Variants in AKT3 observed in about 807,000 individuals in gnomAD.
AKT3 encodes AKT serine/threonine kinase 3.
A neutral mutation model predicts 65.3 loss-of-function variants in AKT3; 15 were observed. The ratio of observed to expected loss-of-function variants is 0.23; its 90% CI spans 0.15 to 0.35. AKT3 has a LOEUF of 0.35. AKT3 is among the 10% of genes least tolerant of loss of function. The probability of loss-of-function intolerance (pLI) is 1.00; values close to 1 mark genes in which losing one functional copy is unlikely to be tolerated. For synonymous variants in AKT3, 206 were observed against 183.8 expected (o/e 1.12, Z -0.98); for missense variants, 243 against 576.5 (o/e 0.42, Z 5.92).
chr1:243,785,895 A>C (rs1176080454), intron 2 of AKT3, among the ~76,000 whole-genome samples: 1 of 152,188 alleles, frequency 6.6e-6, no homozygotes, highest in Non-Finnish European at 1.5e-5. Context: ...CACAGCCTGA[A>C]AGGATAGGGT....
At chr1:243,821,866 GATC>G (rs1320797016) in intron 2 of AKT3, among the ~76,000 whole-genome samples, 4 of 152,174 alleles carry the variant, frequency 2.6e-5, no homozygotes, top group Non-Finnish European at 5.9e-5. Context: ...ATATTAGATA[GATC>G]ATCAAGACAG....
chr1:243,652,610 T>G (rs775136207), intron 4 of AKT3, among the ~76,000 whole-genome samples: 4 of 151,774 alleles, frequency 2.6e-5, no homozygotes, highest in African/African-American at 4.8e-5. Context: ...ACCTTAAATG[T>G]AAATGGGCTA....
intron 3 of AKT3, among the ~76,000 whole-genome samples, chr1:243,693,277 T>C (rs1684836205): frequency 1.8e-5 from 2 of 109,582 alleles, no homozygotes; most frequent in South Asian, 3.0e-4. Flanking sequence ...TATATATATA[T>C]ATATATATAT....
At chr1:243,826,657 T>C (rs114781025) in intron 2 of AKT3, among the ~76,000 whole-genome samples, 1 of 152,310 alleles carries the variant, frequency 6.6e-6, no homozygotes, top group Non-Finnish European at 1.5e-5. Context: ...CTAACGGTGA[T>C]GAACCAGAGA....
intron 2 of AKT3, among the ~76,000 whole-genome samples, chr1:243,794,751 G>A (rs1411584500): frequency 1.3e-5 from 2 of 152,332 alleles, no homozygotes; most frequent in Non-Finnish European, 2.9e-5. Context: ...AACTGGGAGA[G>A]AGCATACTGC....
At chr1:243,832,120 T>TAAAAAAA (rs869235352) in intron 2 of AKT3, among the ~76,000 whole-genome samples, 1 of 44,756 alleles carries the variant, frequency 2.2e-5, no homozygotes, top group Admixed American at 3.8e-4. Context: ...TCCCTAAAAC[T>TAAAAAAA]AAAAAAAAAA....
chr1:243,838,962 T>G (rs1219420888), intron 2 of AKT3, among the ~76,000 whole-genome samples: 2 of 152,168 alleles, frequency 1.3e-5, no homozygotes, highest in African/African-American at 4.8e-5. Flanking sequence ...ATGCTTTTAA[T>G]GATAAAAATC....
chr1:243,609,051 C>T (rs1296322956), intron 8 of AKT3, among the ~76,000 whole-genome samples: 1 of 151,842 alleles, frequency 6.6e-6, no homozygotes, highest in Admixed American at 6.6e-5. Context: ...GACGCCTGGT[C>T]GTTTTCTGCA....
At chr1:243,527,904 C>G (rs1241262742) in intron 12 of AKT3, among the ~76,000 whole-genome samples, 15 of 115,752 alleles carry the variant, frequency 1.3e-4, no homozygotes, top group African/African-American at 6.5e-4. Context: ...CACACACACA[C>G]ACACACACAC....
At chr1:243,617,176 T>A (rs974159307) in intron 6 of AKT3, among the ~76,000 whole-genome samples, 4 of 109,076 alleles carry the variant, frequency 3.7e-5, no homozygotes, top group Non-Finnish European at 6.6e-5. Context: ...CTTCAACACA[T>A]ATGCAACAAG....
At chr1:243,638,620 A>C (rs1361298356) in intron 5 of AKT3, among the ~76,000 whole-genome samples, 5 of 152,210 alleles carry the variant, frequency 3.3e-5, no homozygotes, top group Non-Finnish European at 7.3e-5. Flanking sequence ...AGAGAAGAGA[A>C]GGTAATTGTA....
At position 243,505,042 on chromosome 1, in the gene AKT3, A is replaced by G. The variant is rs1005125780; in HGVS notation, c.*207T>C. On this transcript the variant is annotated 3_prime_UTR_variant, in exon 14 of 14. Coordinates refer to ENST00000673466, the MANE Select transcript of AKT3 (RefSeq NM_005465.7). ...AGCATGAGACCTTAGACTGAGATAC[A>G]ATTTCATGCAAAAACAAAAACTGGA... 2 of 549,804 alleles carry G rather than the reference A, an allele frequency of 3.6e-6. No individual in the cohort carries two copies. Among genetic ancestry groups the G allele is most frequent in the Non-Finnish European group, 6.5e-6 (2 of 309,874 alleles). 34.1% of individuals were successfully genotyped at this position (549,804 alleles called of 1,614,324 possible).
At chr1:243,754,318 C>T (rs1248976202) in intron 2 of AKT3, among the ~76,000 whole-genome samples, 1 of 152,180 alleles carries the variant, frequency 6.6e-6, no homozygotes, top group Non-Finnish European at 1.5e-5. Flanking sequence ...TTGATAATTA[C>T]ACTGAATGAT....
chr1:243,661,442 C>T (rs1475237652), intron 4 of AKT3, among the ~76,000 whole-genome samples: 1 of 151,690 alleles, frequency 6.6e-6, no homozygotes, highest in South Asian at 2.1e-4. Flanking sequence ...CTGAGAAAAA[C>T]AAGCAATGGG....
chr1:243,805,239 T>C (rs9428978), intron 2 of AKT3, among the ~76,000 whole-genome samples: 7,164 of 152,184 alleles, frequency 0.047, 581 homozygotes, highest in African/African-American at 0.16. Flanking sequence ...TCATCCCTCA[T>C]GCTCACCTTC....
chr1:243,562,277 A>T (rs1350844517), intron 10 of AKT3, among the ~76,000 whole-genome samples: 2 of 152,178 alleles, frequency 1.3e-5, no homozygotes, highest in Non-Finnish European at 2.9e-5. Context: ...ACAATAGGTA[A>T]ATCTATAAAG....
chr1:243,765,851 C>T (rs1172806711), intron 2 of AKT3, among the ~76,000 whole-genome samples: 2 of 152,118 alleles, frequency 1.3e-5, no homozygotes, highest in African/African-American at 4.8e-5. Flanking sequence ...GCCAAAAATA[C>T]CCTGCTGGCA....
chr1:243,798,152 G>A, intron 2 of AKT3, among the ~76,000 whole-genome samples: 1 of 148,670 alleles, frequency 6.7e-6, no homozygotes, highest in Non-Finnish European at 1.5e-5. Flanking sequence ...AAAGTGCTGG[G>A]ATTACAGGCC....
chr1:243,808,423 G>A (rs1245061520), intron 2 of AKT3, among the ~76,000 whole-genome samples: 1 of 152,086 alleles, frequency 6.6e-6, no homozygotes. Flanking sequence ...TGGAAGAAAG[G>A]GTATCAGTGA....
Sources: allele counts gnomAD v4.1 joint callset (sites outside exome capture counted in the v4.1 genomes callset), GRCh38; gene constraint gnomAD v4.1.1; transcripts MANE v1.5; gene names NCBI Gene and HGNC (gene_info 2026-07-23, HGNC 2026-07-21).